RYR2: variants seen among roughly 807,000 people sequenced by gnomAD.
RYR2 encodes cardiac muscle ryanodine receptor-calcium release channel.
A neutral mutation model predicts 601.1 loss-of-function variants in RYR2; 227 were observed. The observed-to-expected ratio is 0.38, with a 90% CI of 0.34 to 0.42. The LOEUF is 0.42. RYR2 is among the 10% of genes least tolerant of loss of function. The pLI is 1.00. For missense variants in RYR2, 4,646 were observed against 6,156.5 expected (o/e 0.75, Z 8.21); for synonymous variants, 2,223 against 2,175.1 (o/e 1.02, Z -0.61).
At chr1:237,825,148 G>A (rs948702947) in intron 101 of RYR2, among the ~76,000 whole-genome samples, 1 of 152,094 alleles carries the variant, frequency 6.6e-6, no homozygotes. Context: ...TTTCTTCACA[G>A]AATTGGAAAA....
At chr1:237,197,442 T>C (rs142219554) in intron 1 of RYR2, among the ~76,000 whole-genome samples, 5 of 152,250 alleles carry the variant, frequency 3.3e-5, no homozygotes, top group African/African-American at 1.2e-4. Flanking sequence ...AATATCTTAA[T>C]TGTATATTTC....
At chr1:237,821,301 C>T (rs1357819056) in intron 101 of RYR2, among the ~76,000 whole-genome samples, 1 of 152,108 alleles carries the variant, frequency 6.6e-6, no homozygotes, top group African/African-American at 2.4e-5. Flanking sequence ...GGTGGGTGCC[C>T]CTCTGGGAGG....
intron 25 of RYR2, among the ~76,000 whole-genome samples, chr1:237,544,186 G>A (rs1481034068): frequency 6.6e-6 from 1 of 152,062 alleles, no homozygotes; most frequent in Non-Finnish European, 1.5e-5. Context: ...TGTAAAGTGA[G>A]CATATTAAAT....
chr1:237,802,738 G>A (rs916489097), intron 98 of RYR2, among the ~76,000 whole-genome samples: 15 of 152,238 alleles, frequency 9.9e-5, no homozygotes, highest in African/African-American at 3.6e-4. Flanking sequence ...CCACTGAAGT[G>A]GCCAGTCCAT....
At chr1:237,220,748 C>T (rs934848458) in intron 1 of RYR2, among the ~76,000 whole-genome samples, 25 of 152,088 alleles carry the variant, frequency 1.6e-4, no homozygotes, top group Admixed American at 1.5e-3. Context: ...TCAGGAAGTA[C>T]TGGTTGGGAG....
intron 84 of RYR2, 140 bp downstream of exon 84, chr1:237,761,168 C>A: frequency 1.6e-6 from 1 of 637,004 alleles, no homozygotes; most frequent in South Asian, 2.0e-5. Context: ...TTTCAAAGTT[C>A]ATAGTTGGAC....
chr1:237,548,659 GATTACAT>G (rs1670072294), intron 26 of RYR2, 69 bp downstream of exon 26: 1 of 1,550,818 alleles, frequency 6.4e-7, no homozygotes, highest in African/African-American at 1.3e-5. Context: ...TAACAGGAAG[GATTACAT>G]AATGACTATT....
chr1:237,584,939 C>T (rs1674363301), intron 29 of RYR2, among the ~76,000 whole-genome samples: 1 of 151,804 alleles, frequency 6.6e-6, no homozygotes, highest in Non-Finnish European at 1.5e-5. Context: ...CAGGGTCTCG[C>T]CATGTTGCCC....
chr1:237,452,097 G>A (rs1382130485), intron 14 of RYR2, among the ~76,000 whole-genome samples: 39 of 111,692 alleles, frequency 3.5e-4, no homozygotes, highest in Admixed American at 1.0e-3. Context: ...GTGTGTGTGT[G>A]TGTGTGTGTA....
chr1:237,346,384 A>AAAAAAAAAAAAAAAAAAAAAAT, intron 3 of RYR2, among the ~76,000 whole-genome samples: 1 of 151,456 alleles, frequency 6.6e-6, no homozygotes, highest in Non-Finnish European at 1.5e-5. Context: ...AAAAAAAAAA[A>AAAAAAAAAAAAAAAAAAAAAAT]GTGCATATCC....
chr1:237,526,322 T>A (rs1338615181), intron 24 of RYR2, among the ~76,000 whole-genome samples: 1 of 151,562 alleles, frequency 6.6e-6, no homozygotes. Flanking sequence ...GAGAAATGTC[T>A]ATTTATGTCC....
At chr1:237,725,947 C>T (rs1690157220) in intron 74 of RYR2, among the ~76,000 whole-genome samples, 1 of 152,196 alleles carries the variant, frequency 6.6e-6, no homozygotes, top group East Asian at 1.9e-4. Context: ...TGTTGGGTCT[C>T]ATTGAAAACT....
chr1:237,200,201 T>C (rs927570671), intron 1 of RYR2, among the ~76,000 whole-genome samples: 2 of 152,206 alleles, frequency 1.3e-5, no homozygotes, highest in African/African-American at 4.8e-5. Flanking sequence ...TCTTTATTTT[T>C]AATAGCCTCA....
intron 2 of RYR2, among the ~76,000 whole-genome samples, chr1:237,296,586 G>A (rs892499608): frequency 2.0e-5 from 3 of 152,192 alleles, no homozygotes; most frequent in Non-Finnish European, 2.9e-5. Context: ...TGTTTGTTAG[G>A]TTGGTGGTAT....
At chr1:237,357,062 A>T (rs988125908) in intron 4 of RYR2, among the ~76,000 whole-genome samples, 5 of 150,512 alleles carry the variant, frequency 3.3e-5, no homozygotes, top group Admixed American at 2.0e-4. Context: ...TTTTTTTTAA[A>T]TTTTTTTTAG....
chr1:237,644,947 G>A (rs780032915), intron 48 of RYR2, among the ~76,000 whole-genome samples: 1 of 152,094 alleles, frequency 6.6e-6, no homozygotes, highest in Non-Finnish European at 1.5e-5. Context: ...CAGGAGAATC[G>A]CTTGAACCCG....
In RYR2 at chr1:237,707,116, T is replaced by C; in HGVS notation, c.9748T>C (p.Trp3250Arg). ...PMLCSYMSRW[W>R]EHGPENNPER... ...GCTTTGCAGCTACATGTCTCGTTGG[T>C]GGGAGCATGGACCTGAGAACAATCC... The change falls in exon 68 of 105, where the codon TGG becomes CGG. Residue 3250 changes from tryptophan (W) to arginine (R), a missense_variant. This residue lies in a region of RYR2 where 1,497 missense variants were observed against 1,842.6 expected (regional missense o/e 0.81). Coordinates refer to ENST00000366574, the MANE Select transcript of RYR2 (RefSeq NM_001035.3). 6.2e-7 allele frequency: 1 copy of C among 1,613,872 alleles called. No individual in the cohort carries two copies. The highest frequency in any genetic ancestry group is 1.3e-5 in the African/African-American group (1 of 75,010).
chr1:237,602,164 G>A lies in RYR2; in HGVS notation c.4683+53G>A, dbSNP rs150342155. The A allele has an allele frequency of 2.1e-3, 2,860 of 1,367,442 alleles. 12 individuals carry two copies. Among genetic ancestry groups the A allele is most frequent in the Non-Finnish European group, 2.4e-3 (2,307 of 974,716 alleles). 84.7% of individuals were successfully genotyped at this position (1,367,442 alleles called of 1,614,324 possible). On this transcript the variant is annotated intron_variant, in intron 35 of 104. Coordinates refer to ENST00000366574, the MANE Select transcript of RYR2 (RefSeq NM_001035.3). ...TTTGTATTTTTTCTATTAGGATATAGCATTGATTTATTCTGAAATGAATTC... is the reference window on the plus strand; with the variant it reads ...TTTGTATTTTTTCTATTAGGATATAACATTGATTTATTCTGAAATGAATTC...
At chr1:237,767,589 A>G (rs532541003) in intron 84 of RYR2, among the ~76,000 whole-genome samples, 1 of 152,364 alleles carries the variant, frequency 6.6e-6, no homozygotes, top group South Asian at 2.1e-4. Flanking sequence ...ATAAACCTGA[A>G]TTGAAATGAT....
Sources: gnomAD v4.1 joint callset for allele counts (sites outside exome capture counted in the v4.1 genomes callset) on GRCh38, gnomAD v4.1.1 for gene constraint, gnomAD v4.1.1 regional missense constraint, MANE v1.5 for transcripts, NCBI Gene and HGNC (gene_info 2026-07-23, HGNC 2026-07-21) for gene names.